WDR87: variants seen among roughly 807,000 people sequenced by gnomAD.
WDR87 encodes WD repeat-containing protein 87.
WDR87 carries 56 observed loss-of-function variants against 83.3 expected under a neutral mutation model. The ratio of observed to expected loss-of-function variants is 0.67; its 90% CI spans 0.54 to 0.84. The LOEUF (loss-of-function observed/expected upper bound fraction) is 0.84, where lower values mean the gene tolerates loss of function less well. WDR87 is among the 40% of genes least tolerant of loss of function. WDR87 has a pLI of 0.00. For missense variants in WDR87, 2,939 were observed against 3,431.9 expected (o/e 0.86, Z 3.59); for synonymous variants, 1,173 against 1,250.6 (o/e 0.94, Z 1.31).
Position 37,889,860 on chromosome 19 carries a change from G to C in WDR87, c.3811C>G (p.Arg1271Gly). 1 of 1,551,672 alleles carries C rather than the reference G, an allele frequency of 6.4e-7. No individual in the cohort carries two copies. The highest frequency in any genetic ancestry group is 8.7e-7 in the Non-Finnish European group (1 of 1,146,996). Reference protein sequence around the residue: ...QGRGASGISGRRSTAGDGSSW... With the variant: ...QGRGASGISGGRSTAGDGSSW... ...GAGCCATCTCCAGCGGTTGACCTGC[G>C]GCCAGATATTCCAGAGGCTCCCCGC... Residue 1271 changes from arginine (R) to glycine (G), a missense_variant, in exon 6 of 6, where the codon CGC becomes GGC. Arg to Gly is a moderately radical substitution (Grantham distance 125). This residue lies in a region of WDR87 where 2,160 missense variants were observed against 2,533.1 expected (regional missense o/e 0.85). Transcript: ENST00000447313.
At position 37,887,884 on chromosome 19, in the gene WDR87, C is replaced by T. The variant is rs954805201; in HGVS notation, c.5787G>A (p.Gln1929=). Residue 1929 remains glutamine, a synonymous_variant, in exon 6 of 6, where the codon CAG becomes CAA. Coordinates refer to ENST00000447313, the MANE Select transcript of WDR87 (RefSeq NM_001291088.2). ...TTTCCTGTGTCAGCTTCTCCTCTAC[C>T]TGAGCCAGTATCTTGTTGAACATTC... is the stretch of plus-strand genomic sequence containing the variant. ...KLGMFNKILA[Q]VEEKLTQEKE... is the part of the protein sequence containing the mutation. 6.4e-7 allele frequency: 1 copy of T among 1,551,570 alleles called. No individual in the cohort carries two copies. The highest frequency in any genetic ancestry group is 2.0e-5 in the Admixed American group (1 of 50,970).
intron 4 of WDR87, 68 bp downstream of exon 4, chr19:37,892,510 G>A (rs1599763670): frequency 7.4e-7 from 1 of 1,348,466 alleles, no homozygotes; most frequent in East Asian, 2.5e-5. Flanking sequence ...CAGGGATGAA[G>A]AAATAGCAAA....
Position 37,890,385 on chromosome 19 carries a change from CAG to C in WDR87, c.3395-111_3395-110del, listed in dbSNP as rs2046195002. The C allele has an allele frequency of 3.8e-6, 5 of 1,327,036 alleles. No individual in the cohort carries two copies. In the South Asian group the frequency reaches 9.5e-5, roughly 25 times the overall value. The allele number at this position is 1,327,036 out of a possible 1,614,324, so 82.2% of individuals were successfully genotyped here. A position where few individuals can be genotyped will look rare whatever the true frequency, so the allele number is the denominator to read the frequency against. On this transcript the variant is annotated intron_variant, in intron 5 of 5. Transcript: ENST00000447313. ...AGAACTGTCATATAAGAAGTAACAA[CAG>C]AGAGAACTGAGGCCTTAAAAAAAAA...
rs769233076 is a variant in WDR87 at position 37,894,114 on chromosome 19, A to C, written c.1589T>G (p.Met530Arg). ...TTCTGACAGGTGCACATAGTCATCCATTCCATAGGAACAGAGCAGAGAGTT... is the reference window on the plus strand; with the variant it reads ...TTCTGACAGGTGCACATAGTCATCCCTTCCATAGGAACAGAGCAGAGAGTT... Reference protein sequence around the residue: ...QGNSLLCSYGMDDYVHLSEAV... With the variant: ...QGNSLLCSYGRDDYVHLSEAV... Residue 530 changes from methionine to arginine, a missense_variant, in exon 4 of 6, where the codon ATG becomes AGG. Physicochemically the swap from Met to Arg is moderately conservative, Grantham distance 91. Coordinates refer to ENST00000447313, the MANE Select transcript of WDR87 (RefSeq NM_001291088.2). 3.9e-6 allele frequency: 6 copies of C among 1,552,388 alleles called. No homozygotes were observed. The East Asian group carries it at 1.2e-4, about 32-fold the overall frequency.
intron 2 of WDR87, among the ~76,000 whole-genome samples, chr19:37,897,634 A>G (rs1308670080): frequency 2.0e-5 from 3 of 152,040 alleles, no homozygotes; most frequent in African/African-American, 4.8e-5. Context: ...CTGTGATCCC[A>G]GCACTTTGGG....
Position 37,886,346 on chromosome 19 carries a change from TTC to T in WDR87, c.7323_7324del (p.Lys2442AsnfsTer15), listed in dbSNP as rs1449321667. On this transcript the variant is annotated frameshift_variant, in exon 6 of 6. Transcript: ENST00000447313. LOFTEE classifies it low-confidence loss of function (END_TRUNC). ...TTTCTCCGGCACTGGCACTGGTGTT[TTC>T]TCTTTCATCTCCAGAGCTGTTGACA... 1 of 1,551,378 alleles carries T rather than the reference TTC, an allele frequency of 6.4e-7. No homozygotes were observed. Among genetic ancestry groups the T allele is most frequent in the Non-Finnish European group, 8.7e-7 (1 of 1,146,954 alleles).
In WDR87 at chr19:37,885,202, T is replaced by C; in HGVS notation, c.8469A>G (p.Gln2823=). ...TTAGGGCCTCTTCGTAGATGATCTC[T>C]TGGGGTTGAGGTTCCTCTCTCATTA... is the stretch of plus-strand genomic sequence containing the variant. The part of the protein sequence containing the change: ...ELLMREEPQP[Q]EIIYEEALKA... Residue 2823 remains glutamine (Q), a synonymous_variant, in exon 6 of 6, where the codon CAA becomes CAG. Transcript: ENST00000447313. 1 of 1,482,422 alleles carries C rather than the reference T, an allele frequency of 6.7e-7. No individual in the cohort carries two copies. 91.8% of individuals were successfully genotyped at this position (1,482,422 alleles called of 1,614,324 possible).
intron 1 of WDR87, among the ~76,000 whole-genome samples, chr19:37,902,237 C>CA (rs1211342198): frequency 1.3e-5 from 2 of 151,868 alleles, no homozygotes; most frequent in East Asian, 3.9e-4. Flanking sequence ...TTTTTTGAGA[C>CA]AGAGTCTCAC....
Position 37,888,017 on chromosome 19 carries a change from A to G in WDR87, c.5654T>C (p.Leu1885Pro). Residue 1885 changes from leucine (L) to proline (P), a missense_variant, in exon 6 of 6, where the codon CTG becomes CCG. Around this residue, in one of 3 missense-constraint regions of WDR87, gnomAD observed 2,160 missense variants for 2,533.1 expected, o/e 0.85. Transcript: ENST00000447313. ...AGCCAATTTTTCCTTCTCCTGGGCC[A>G]GATTCTTCTTTTCCTGAGCCAGATT... ...KKNLAQEKKN[L>P]AQEKEKLAQR... 6.4e-7 allele frequency: 1 copy of G among 1,551,142 alleles called. No individual in the cohort carries two copies. The highest frequency in any genetic ancestry group is 8.7e-7 in the Non-Finnish European group (1 of 1,146,896).
chr19:37,904,225 C>A (rs1200048070), intron 1 of WDR87, among the ~76,000 whole-genome samples: 2 of 151,734 alleles, frequency 1.3e-5, no homozygotes, highest in East Asian at 2.0e-4. Flanking sequence ...TAAAAACGGA[C>A]ATGGTAAAAT....
At position 37,905,868 on chromosome 19, in the gene WDR87, G is replaced by A. The variant is rs1031459153; in HGVS notation, c.-47+631C>T. On this transcript the variant is annotated intron_variant, in intron 1 of 5. Coordinates refer to ENST00000447313, the MANE Select transcript of WDR87 (RefSeq NM_001291088.2). ...TATTGCTCTACATTGTTGTAGTCTG[G>A]TGGTGGCCTGATATCCCTACTGGAC... 7.2e-5 allele frequency among the ~76,000 whole-genome samples: 11 copies of A among 152,240 alleles called. No individual in the cohort carries two copies. The South Asian group carries it at 8.3e-4, about 11-fold the overall frequency.
Position 37,893,956 on chromosome 19 carries a change from TC to T in WDR87, c.1746del (p.Trp582Ter), listed in dbSNP as rs1306305265. The T allele has an allele frequency of 1.3e-6, 2 of 1,551,702 alleles. No homozygotes were observed. The highest frequency in any genetic ancestry group is 2.7e-5 in the African/African-American group (2 of 73,032). On this transcript the variant is annotated frameshift_variant, in exon 4 of 6. Coordinates refer to ENST00000447313, the MANE Select transcript of WDR87 (RefSeq NM_001291088.2). LOFTEE classifies it high-confidence loss of function. ...CCAGAGGACAGAAAATCATGGAACT[TC>T]CAGAGACGCAGGCAGTTTGTCTCTG... ...AITETNCLRL[W>X]KFHDFLSSGS... is the part of the protein sequence containing the mutation.
rs1317649791 is a variant in WDR87 at position 37,898,279 on chromosome 19, T to G, written c.-40A>C. 1 of 1,543,532 alleles carries G rather than the reference T, an allele frequency of 6.5e-7. No homozygotes were observed. Among genetic ancestry groups the G allele is most frequent in the African/African-American group, 1.4e-5 (1 of 72,582 alleles). On this transcript the variant is annotated 5_prime_UTR_variant, in exon 2 of 6. Transcript: ENST00000447313. ...CTTGGCCCTCCTGAGGACTGTTGCT[T>G]AAAAACCTGTGGGAATCCAAAAGAG... is the stretch of plus-strand genomic sequence containing the variant.
At position 37,894,009 on chromosome 19, in the gene WDR87, A is replaced by T. The variant is rs1365115881; in HGVS notation, c.1694T>A (p.Leu565His). 3.2e-6 allele frequency: 5 copies of T among 1,551,802 alleles called. No individual in the cohort carries two copies. In the East Asian group the frequency reaches 7.3e-5, roughly 23 times the overall value. The change falls in exon 4 of 6, where the codon CTC (leucine) becomes CAC (histidine). Residue 565 changes from leucine to histidine, a missense_variant. Leu to His is a moderately conservative substitution (Grantham distance 99). This residue lies in a region of WDR87 where 553 missense variants were observed against 577.9 expected (regional missense o/e 0.96). Transcript: ENST00000447313. ...GATGGCACCCACAGACTTGGGCAAGAGTATCAGATGTGTTAGGTGACAGCT... is the reference window on the plus strand; with the variant it reads ...GATGGCACCCACAGACTTGGGCAAGTGTATCAGATGTGTTAGGTGACAGCT... ...LSSCHLTHLI[L>H]LPKSVGAITE...
In WDR87 at chr19:37,885,198, T is replaced by C; in HGVS notation, c.8473A>G (p.Ile2825Val). ...GCTTTTAGGGCCTCTTCGTAGATGA[T>C]CTCTTGGGGTTGAGGTTCCTCTCTC... ...LMREEPQPQE[I>V]IYEEALKATE... The change falls in exon 6 of 6, where the codon ATC (isoleucine) becomes GTC (valine). Residue 2825 changes from isoleucine (I) to valine (V), a missense_variant. Ile to Val is a conservative substitution (Grantham distance 29, BLOSUM62 3). Transcript: ENST00000447313. The C allele has an allele frequency of 6.8e-7, 1 of 1,477,978 alleles. No homozygotes were observed. The highest frequency in any genetic ancestry group is 9.0e-7 in the Non-Finnish European group (1 of 1,116,440). The allele number at this position is 1,477,978 out of a possible 1,614,324, so 91.6% of individuals were successfully genotyped here.
rs1389257078 is a variant in WDR87 at position 37,886,687 on chromosome 19, C to T, written c.6984G>A (p.Lys2328=). Residue 2328 remains lysine, a synonymous_variant, in exon 6 of 6, where the codon AAG becomes AAA. Coordinates refer to ENST00000447313, the MANE Select transcript of WDR87 (RefSeq NM_001291088.2). ...CCTCCTTCTTCTTTTCCTTTTTCTT[C>T]TTCTTCTTCTCCTCCTCTTCTTTCT... ...QVEKEEEEKK[K]KKKEKKKEEV... is the part of the protein sequence containing the mutation. The T allele has an allele frequency of 1.4e-6, 2 of 1,465,068 alleles. No individual in the cohort carries two copies. Among genetic ancestry groups the T allele is most frequent in the Non-Finnish European group, 1.9e-6 (2 of 1,080,306 alleles). 90.8% of individuals were successfully genotyped at this position (1,465,068 alleles called of 1,614,324 possible).
Position 37,896,204 on chromosome 19 carries a change from AT to A in WDR87, c.179del (p.Tyr60PhefsTer15). ...RYPQNMPCVC[Y>X]YFSDAHFFAS... ...CGAAGAAGTGGGCATCACTGAAGTA[AT>A]AGCATACACACGGCATATTTTGAGG... On this transcript the variant is annotated frameshift_variant, in exon 3 of 6. Transcript: ENST00000447313. LOFTEE classifies it high-confidence loss of function. The A allele has an allele frequency of 6.4e-7, 1 of 1,552,360 alleles. No individual in the cohort carries two copies. The highest frequency in any genetic ancestry group is 2.4e-5 in the East Asian group (1 of 40,932).
Position 37,887,567 on chromosome 19 carries a change from C to T in WDR87, c.6104G>A (p.Arg2035Lys). 8.4e-6 allele frequency: 13 copies of T among 1,551,806 alleles called. No homozygotes were observed. Among genetic ancestry groups the T allele is most frequent in the Non-Finnish European group, 1.1e-5 (13 of 1,147,006 alleles). The change falls in exon 6 of 6, where the codon AGG (arginine) becomes AAG (lysine). Residue 2035 changes from arginine to lysine, a missense_variant. Around this residue, in one of 3 missense-constraint regions of WDR87, gnomAD observed 2,160 missense variants for 2,533.1 expected, o/e 0.85. Transcript: ENST00000447313. ...KGETPETSRQRKMTQVEQELF... is the reference protein window; with the variant it reads ...KGETPETSRQKKMTQVEQELF... ...TTCTTGTTCAACTTGAGTCATTTTC[C>T]TTTGTCTAGAAGTTTCTGGAGTCTC...
chr19:37,895,003 TC>T lies in WDR87; in HGVS notation c.699del (p.Arg234GlyfsTer53). 1 of 1,551,660 alleles carries T rather than the reference TC, an allele frequency of 6.4e-7. No homozygotes were observed. The highest frequency in any genetic ancestry group is 8.7e-7 in the Non-Finnish European group (1 of 1,146,980). On this transcript the variant is annotated frameshift_variant, in exon 4 of 6. Coordinates refer to ENST00000447313, the MANE Select transcript of WDR87 (RefSeq NM_001291088.2). LOFTEE classifies it high-confidence loss of function. ...GAGCCGCTGCTGGTGGACGTGAACC[TC>T]TTTACCTCTCCCAGCTGGCCCTTGC... Reference protein sequence around the residue: ...HQGKGQLGEVKRFTSTSSGSS... With the variant: ...HQGKGQLGEVXRFTSTSSGSS...
Sources: gnomAD v4.1 joint callset for allele counts (sites outside exome capture counted in the v4.1 genomes callset) on GRCh38, gnomAD v4.1.1 for gene constraint, gnomAD v4.1.1 regional missense constraint, MANE v1.5 for transcripts, NCBI Gene and HGNC (gene_info 2026-07-23, HGNC 2026-07-21) for gene names.